Variants in MARCHF10 observed in about 807,000 individuals in gnomAD.
MARCHF10 encodes membrane associated ring-CH-type finger 10, also known as probable E3 ubiquitin-protein ligase MARCHF10.
In MARCHF10, 64 loss-of-function variants were observed where a neutral mutation model predicts 76.2. That is an observed-to-expected ratio of 0.84 (90% CI 0.69 to 1.03). MARCHF10 has a LOEUF of 1.03. Among genes scored for constraint, MARCHF10 ranks in the 50% least tolerant of loss-of-function variants. MARCHF10 has a pLI of 0.00. For missense variants in MARCHF10, 875 were observed against 958.0 expected (o/e 0.91, Z 1.14); for synonymous variants, 340 against 357.5 (o/e 0.95, Z 0.55).
intron 3 of MARCHF10, among the ~76,000 whole-genome samples, chr17:62,769,637 CT>C: frequency 6.6e-6 from 1 of 152,298 alleles, no homozygotes; most frequent in South Asian, 2.1e-4. Context: ...TGGTCTCGAA[CT>C]CCTGAGCTCA....
chr17:62,744,366 G>T lies in MARCHF10; in HGVS notation c.535+10C>A, dbSNP rs763607141. The T allele has an allele frequency of 8.7e-6, 14 of 1,610,608 alleles. No homozygotes were observed. Among genetic ancestry groups the T allele is most frequent in the African/African-American group, 1.3e-5 (1 of 74,716 alleles). On this transcript the variant is annotated intron_variant, in intron 5 of 10. Coordinates refer to ENST00000311269, the MANE Select transcript of MARCHF10 (RefSeq NM_152598.4). ...CCAAGGACAAAGGTTCGGGAGCCCC[G>T]GGTCCTTACCTGCTCCCCTGGGAAC...
At chr17:62,752,222 T>G (rs920302651) in intron 4 of MARCHF10, among the ~76,000 whole-genome samples, 1 of 152,104 alleles carries the variant, frequency 6.6e-6, no homozygotes. Flanking sequence ...ACAGTTGTTA[T>G]CTCCCAAAGT....
chr17:62,733,423 TA>T (rs1400458727), intron 6 of MARCHF10, among the ~76,000 whole-genome samples: 1 of 152,252 alleles, frequency 6.6e-6, no homozygotes, highest in Non-Finnish European at 1.5e-5. Context: ...AATATCATTT[TA>T]TTCCCATCAG....
chr17:62,737,643 TCA>T (rs2091333868), intron 5 of MARCHF10: 1 of 327,162 alleles, frequency 3.1e-6, no homozygotes, highest in Admixed American at 5.0e-5. Flanking sequence ...TGCGCAAACC[TCA>T]CACTAAATAC....
intron 3 of MARCHF10, among the ~76,000 whole-genome samples, chr17:62,762,631 C>T (rs750423808): frequency 6.6e-5 from 10 of 152,194 alleles, no homozygotes; most frequent in Non-Finnish European, 1.3e-4. Context: ...ACTGCAACCT[C>T]GACCTCCCCG....
At chr17:62,806,664 A>G (rs1292223091) in intron 1 of MARCHF10, 1 of 152,226 alleles carries the variant, frequency 6.6e-6, no homozygotes, top group Admixed American at 6.5e-5. Flanking sequence ...AAAATTCTAC[A>G]TATCTGTGAA....
intron 3 of MARCHF10, among the ~76,000 whole-genome samples, chr17:62,788,179 C>T (rs889201587): frequency 6.6e-6 from 1 of 152,168 alleles, no homozygotes; most frequent in Non-Finnish European, 1.5e-5. Flanking sequence ...CAGCATTTCT[C>T]ATCTGGATGG....
At position 62,701,319 on chromosome 17, in the gene MARCHF10, G is replaced by T. The variant is rs1197183494; in HGVS notation, c.*384C>A. On this transcript the variant is annotated 3_prime_UTR_variant, in exon 11 of 11. Transcript: ENST00000311269. ...GAAATAAACATGAACGAAGCTGGGA[G>T]AATAATGTCAGTTTACTGAATGAAT... 4.2e-6 allele frequency: 1 copy of T among 238,372 alleles called. No homozygotes were observed. Among genetic ancestry groups the T allele is most frequent in the East Asian group, 9.5e-5 (1 of 10,498 alleles). 14.8% of individuals were successfully genotyped at this position (238,372 alleles called of 1,614,324 possible).
At chr17:62,762,849 CCT>C (rs2092243347) in intron 3 of MARCHF10, among the ~76,000 whole-genome samples, 1 of 152,148 alleles carries the variant, frequency 6.6e-6, no homozygotes, top group Admixed American at 6.6e-5. Context: ...CCCGGCCTAT[CCT>C]CTTTCATGAA....
At chr17:62,747,984 G>A (rs1176909570) in intron 4 of MARCHF10, among the ~76,000 whole-genome samples, 1 of 152,204 alleles carries the variant, frequency 6.6e-6, no homozygotes, top group East Asian at 1.9e-4. Flanking sequence ...CTTCTTCCCT[G>A]TGATACCCTT....
chr17:62,774,851 C>T (rs985660100), intron 3 of MARCHF10, among the ~76,000 whole-genome samples: 6 of 151,964 alleles, frequency 3.9e-5, no homozygotes, highest in Admixed American at 2.6e-4. Flanking sequence ...GTCAGGAGTT[C>T]GAGACCAGCC....
In MARCHF10 at chr17:62,701,440, A is replaced by AGG; in HGVS notation, c.*261_*262dup. ...TGGACCTGGCAGGGCTTCTGGGCTA[A>AGG]GGGGGCAGCACCAGGCCAGCCTGCC... On this transcript the variant is annotated 3_prime_UTR_variant, in exon 11 of 11. Coordinates refer to ENST00000311269, the MANE Select transcript of MARCHF10 (RefSeq NM_152598.4). The AGG allele has an allele frequency of 1.4e-6, 1 of 716,594 alleles. No homozygotes were observed. The highest frequency in any genetic ancestry group is 2.0e-5 in the South Asian group (1 of 49,668). The allele number at this position is 716,594 out of a possible 1,614,324, so 44.4% of individuals were successfully genotyped here. A position where few individuals can be genotyped will look rare whatever the true frequency, so the allele number is the denominator to read the frequency against.
intron 3 of MARCHF10, 51 bp downstream of exon 3, chr17:62,788,429 C>T (rs2092780928): frequency 6.2e-7 from 1 of 1,609,058 alleles, no homozygotes; most frequent in Non-Finnish European, 8.5e-7. Context: ...ACACCACCAC[C>T]ACCAGCAGCA....
chr17:62,805,920 A>G (rs1568238813), intron 1 of MARCHF10, among the ~76,000 whole-genome samples: 1 of 150,030 alleles, frequency 6.7e-6, no homozygotes, highest in African/African-American at 2.5e-5. Flanking sequence ...AAAAAAAATA[A>G]TAATAATAAT....
At chr17:62,758,138 C>T (rs1355082237) in intron 4 of MARCHF10, among the ~76,000 whole-genome samples, 5 of 152,188 alleles carry the variant, frequency 3.3e-5, no homozygotes, top group Non-Finnish European at 7.4e-5. Flanking sequence ...CGGTGGCTCA[C>T]GCCTGTAATC....
intron 10 of MARCHF10, among the ~76,000 whole-genome samples, chr17:62,703,800 G>A (rs2089395264): frequency 6.6e-6 from 1 of 152,226 alleles, no homozygotes; most frequent in Non-Finnish European, 1.5e-5. Context: ...TCTTTTCGGA[G>A]CACCACCCTA....
intron 10 of MARCHF10, among the ~76,000 whole-genome samples, chr17:62,702,622 T>C (rs2089311388): frequency 6.6e-6 from 1 of 151,944 alleles, no homozygotes; most frequent in Non-Finnish European, 1.5e-5. Flanking sequence ...GCCGAGATCG[T>C]GCCACTGCAC....
chr17:62,724,746 A>G (rs2090666712), intron 7 of MARCHF10, among the ~76,000 whole-genome samples, 192 bp downstream of exon 7: 1 of 152,156 alleles, frequency 6.6e-6, no homozygotes, highest in African/African-American at 2.4e-5. Flanking sequence ...AAAACAAACA[A>G]AAAACCCCCA....
chr17:62,792,307 T>C (rs1312626503), intron 2 of MARCHF10, among the ~76,000 whole-genome samples: 1 of 152,010 alleles, frequency 6.6e-6, no homozygotes, highest in Non-Finnish European at 1.5e-5. Context: ...GCTCTGCCAC[T>C]TTCTAACATA....
Sources: allele counts gnomAD v4.1 joint callset (sites outside exome capture counted in the v4.1 genomes callset), GRCh38; gene constraint gnomAD v4.1.1; transcripts MANE v1.5; gene names NCBI Gene and HGNC (gene_info 2026-07-23, HGNC 2026-07-21).